TTC39C: variants seen among roughly 807,000 people sequenced by gnomAD.
TTC39C encodes the protein tetratricopeptide repeat domain 39C.
In TTC39C, 33 loss-of-function variants were observed where a neutral mutation model predicts 76.3. The ratio of observed to expected loss-of-function variants is 0.43; its 90% CI spans 0.33 to 0.58. The LOEUF is 0.58. Ranked by LOEUF, TTC39C falls within the 20% of genes least tolerant of loss-of-function variation. TTC39C has a pLI of 0.04. For missense variants in TTC39C, 595 were observed against 701.4 expected (o/e 0.85, Z 1.71); for synonymous variants, 254 against 260.6 (o/e 0.97, Z 0.24).
chr18:24,000,438 G>A (rs1014272827), intron 1 of TTC39C: 1 of 152,260 alleles, frequency 6.6e-6, no homozygotes, highest in African/African-American at 2.4e-5. Context: ...AGCTCTCAGG[G>A]AAACCCACCC....
At chr18:24,070,415 G>T (rs1334351000) in intron 4 of TTC39C, among the ~76,000 whole-genome samples, 1 of 152,120 alleles carries the variant, frequency 6.6e-6, no homozygotes, top group African/African-American at 2.4e-5. Flanking sequence ...CCCGCATTTG[G>T]AGCGCACTGC....
At chr18:24,023,966 A>ATCTATATATC (rs1568408846) in intron 1 of TTC39C, among the ~76,000 whole-genome samples, 2 of 11,172 alleles carry the variant, frequency 1.8e-4, no homozygotes, top group Non-Finnish European at 6.8e-4. Flanking sequence ...ATATATATAT[A>ATCTATATATC]TATATATATA....
intron 1 of TTC39C, among the ~76,000 whole-genome samples, chr18:24,024,944 C>G (rs2083579848): frequency 6.6e-6 from 1 of 152,228 alleles, no homozygotes. Context: ...TCTCAGCTCA[C>G]TGCAACCTCC....
intron 6 of TTC39C, among the ~76,000 whole-genome samples, chr18:24,098,590 T>G (rs2084629758): frequency 8.1e-6 from 1 of 124,164 alleles, no homozygotes. Flanking sequence ...TCTTTTCCTC[T>G]CTCCCTCCCT....
rs528568836 is a variant in TTC39C, at chr18:24,015,675, A to C, written c.167+637A>C. Reference sequence around the variant, plus strand: ...AATGAGTTCCTGATGTCTTTCAAGCAGGCGTTATTTATTAAGAATTTTTCC... The same window carrying C: ...AATGAGTTCCTGATGTCTTTCAAGCCGGCGTTATTTATTAAGAATTTTTCC... On this transcript the variant is annotated intron_variant, in intron 1 of 13. Coordinates refer to ENST00000317571, the MANE Select transcript of TTC39C (RefSeq NM_001135993.2). Among the ~76,000 whole-genome samples the C allele has an allele frequency of 5.9e-5, 9 of 152,348 alleles. No homozygotes were observed. The East Asian group carries it at 1.5e-3, about 26-fold the overall frequency.
Position 24,104,945 on chromosome 18 carries a change from C to G in TTC39C, c.985-9609C>G, listed in dbSNP as rs573893476. Among the ~76,000 whole-genome samples, 24 of 151,868 alleles carry G rather than the reference C, an allele frequency of 1.6e-4. No homozygotes were observed. The East Asian group carries it at 3.1e-3, about 20-fold the overall frequency. ...CCCATCAAGGACTTTCTAAACGTAA[C>G]TCTAAAACCAAAACATATTAAGAAA... is the stretch of plus-strand genomic sequence containing the variant. On this transcript the variant is annotated intron_variant, in intron 6 of 13. Coordinates refer to ENST00000317571, the MANE Select transcript of TTC39C (RefSeq NM_001135993.2).
intron 6 of TTC39C, among the ~76,000 whole-genome samples, chr18:24,108,133 C>G (rs2084770496): frequency 1.3e-5 from 2 of 152,228 alleles, no homozygotes; most frequent in Non-Finnish European, 2.9e-5. Context: ...CTATTGTGTT[C>G]TGTGATTTGT....
intron 1 of TTC39C, among the ~76,000 whole-genome samples, chr18:24,061,817 T>C (rs950752624): frequency 4.6e-5 from 7 of 152,154 alleles, no homozygotes; most frequent in African/African-American, 1.7e-4. Context: ...GGCAGGAGAA[T>C]GGCTGGAACC....
intron 1 of TTC39C, among the ~76,000 whole-genome samples, chr18:24,063,514 C>CTT (rs541055847): frequency 0.017 from 2,351 of 135,960 alleles, 47 homozygotes; most frequent in Non-Finnish European, 0.024. Flanking sequence ...TTGTTTCTAC[C>CTT]TTTTTTTTTT....
intron 1 of TTC39C, among the ~76,000 whole-genome samples, chr18:24,030,472 A>T (rs7227556): frequency 0.015 from 2,300 of 152,268 alleles, 41 homozygotes; most frequent in African/African-American, 0.041. Flanking sequence ...TACAGTTAGA[A>T]GTAGTACACT....
chr18:23,998,031 G>A (rs1187867906), intron 1 of TTC39C, among the ~76,000 whole-genome samples: 2 of 152,204 alleles, frequency 1.3e-5, no homozygotes, highest in Non-Finnish European at 1.5e-5. Flanking sequence ...TTCTTGAGAA[G>A]CAATAATTTG....
At chr18:24,027,805 C>T (rs1015243804) in intron 1 of TTC39C, among the ~76,000 whole-genome samples, 1 of 151,846 alleles carries the variant, frequency 6.6e-6, no homozygotes, top group Non-Finnish European at 1.5e-5. Flanking sequence ...AGCAGTCCTC[C>T]CACCTCAGCC....
At chr18:24,102,928 G>A (rs1290070519) in intron 6 of TTC39C, among the ~76,000 whole-genome samples, 2 of 152,148 alleles carry the variant, frequency 1.3e-5, no homozygotes, top group African/African-American at 2.4e-5. Flanking sequence ...ACAACATGGC[G>A]AAACCCTGTC....
chr18:24,027,071 C>G (rs568554981), intron 1 of TTC39C, among the ~76,000 whole-genome samples: 28 of 152,242 alleles, frequency 1.8e-4, no homozygotes, highest in African/African-American at 6.0e-4. Flanking sequence ...GCAGGTGGGT[C>G]ACTTGAGGTC....
At chr18:24,125,328 C>A in intron 9 of TTC39C, 99 bp from the exon 10 acceptor site, 1 of 1,438,318 alleles carries the variant, frequency 7.0e-7, no homozygotes, top group Non-Finnish European at 9.5e-7. Context: ...GGGTCATTCA[C>A]ATTGATGATG....
chr18:24,118,223 T>C lies in TTC39C; in HGVS notation c.1177T>C (p.Leu393=), dbSNP rs767837738. The change falls in exon 8 of 14, where the codon TTG becomes CTG. Residue 393 remains leucine, a synonymous_variant. Coordinates refer to ENST00000317571, the MANE Select transcript of TTC39C (RefSeq NM_001135993.2). The part of the protein sequence containing the change: ...SRWSQCYYAY[L]TAVCQGATGD... ...GTGGTCCCAGTGCTATTATGCCTAC[T>C]TGACTGCAGGTGAGTCGCCCATGGT... The C allele has an allele frequency of 6.2e-7, 1 of 1,613,358 alleles. No homozygotes were observed. The highest frequency in any genetic ancestry group is 2.2e-5 in the East Asian group (1 of 44,842).
intron 1 of TTC39C, among the ~76,000 whole-genome samples, chr18:24,041,965 A>G (rs2145692139): frequency 6.6e-6 from 1 of 152,254 alleles, no homozygotes; most frequent in East Asian, 1.9e-4. Flanking sequence ...TGTCTTTTCC[A>G]TCCATATGTT....
At chr18:24,024,985 C>A (rs1397378495) in intron 1 of TTC39C, among the ~76,000 whole-genome samples, 1 of 152,192 alleles carries the variant, frequency 6.6e-6, no homozygotes, top group African/African-American at 2.4e-5. Flanking sequence ...TCTCGTGCCT[C>A]AGCCTCCTAA....
intron 6 of TTC39C, among the ~76,000 whole-genome samples, chr18:24,098,410 C>CTCCCTCCT (rs1308733949): frequency 1.6e-5 from 2 of 123,624 alleles, no homozygotes; most frequent in Non-Finnish European, 3.3e-5. Flanking sequence ...CCCTCCCTCC[C>CTCCCTCCT]TCCCTCCTTC....
Sources: allele counts gnomAD v4.1 joint callset (sites outside exome capture counted in the v4.1 genomes callset), GRCh38; gene constraint gnomAD v4.1.1; transcripts MANE v1.5; gene names NCBI Gene and HGNC (gene_info 2026-07-23, HGNC 2026-07-21).